Variants in PCCA observed in about 807,000 individuals in gnomAD.
PCCA encodes propionyl-CoA carboxylase subunit alpha, also known as propionyl-CoA carboxylase alpha chain, mitochondrial.
A neutral mutation model predicts 101.3 loss-of-function variants in PCCA; 74 were observed. The ratio of observed to expected loss-of-function variants is 0.73; its 90% CI spans 0.61 to 0.89. The LOEUF is 0.89. Ranked by LOEUF, PCCA falls within the 40% of genes least tolerant of loss-of-function variation. The pLI, the probability that PCCA is intolerant of heterozygous loss-of-function variation, is 0.00. For synonymous variants in PCCA, 294 were observed against 313.6 expected, an observed-to-expected ratio of 0.94 and a Z score of 0.66; for missense variants, 891 against 907.0, an observed-to-expected ratio of 0.98 and a Z score of 0.23.
At chr13:100,150,531 G>T (rs1308104770) in intron 4 of PCCA, 1 of 1,336,908 alleles carries the variant, frequency 7.5e-7, no homozygotes, top group Non-Finnish European at 1.0e-6. Flanking sequence ...CAAGCTCCCC[G>T]GCGAGAACCA....
intron 16 of PCCA, among the ~76,000 whole-genome samples, chr13:100,319,260 A>G (rs2067731758): frequency 6.6e-6 from 1 of 152,122 alleles, no homozygotes; most frequent in Non-Finnish European, 1.5e-5. Context: ...AGTAGATTGC[A>G]AAAATTTTCT....
intron 21 of PCCA, among the ~76,000 whole-genome samples, chr13:100,474,470 G>C (rs9513758): frequency 0.068 from 8,012 of 117,654 alleles, 308 homozygotes; most frequent in African/African-American, 0.13. Context: ...CTCTCTCTCT[G>C]TCTCTGTCTC....
chr13:100,485,912 G>C (rs916609688), intron 21 of PCCA, among the ~76,000 whole-genome samples: 3 of 152,210 alleles, frequency 2.0e-5, no homozygotes, highest in African/African-American at 7.2e-5. Flanking sequence ...AACAAAAGCT[G>C]TGATGCCTTA....
At chr13:100,361,608 A>G (rs1335493344) in intron 18 of PCCA, among the ~76,000 whole-genome samples, 4 of 152,166 alleles carry the variant, frequency 2.6e-5, no homozygotes, top group Non-Finnish European at 5.9e-5. Context: ...ACCTAATAAA[A>G]ATGGGCAAAA....
At chr13:100,418,989 T>G (rs554495472) in intron 19 of PCCA, among the ~76,000 whole-genome samples, 46 of 151,736 alleles carry the variant, frequency 3.0e-4, no homozygotes, top group African/African-American at 1.1e-3. Context: ...GAAGCTTAGC[T>G]CTTTCTCACC....
intron 10 of PCCA, among the ~76,000 whole-genome samples, chr13:100,267,454 T>C (rs1292089760): frequency 6.6e-6 from 1 of 152,222 alleles, no homozygotes; most frequent in Non-Finnish European, 1.5e-5. Flanking sequence ...ATTATAGCCA[T>C]GATCTTTATT....
chr13:100,292,965 T>TGTGTGTGTC (rs1595156115), intron 12 of PCCA, among the ~76,000 whole-genome samples: 129 of 53,318 alleles, frequency 2.4e-3, no homozygotes, highest in African/African-American at 8.4e-3. Context: ...GTGTGTCTGT[T>TGTGTGTGTC]TGTGTGTGTG....
intron 19 of PCCA, among the ~76,000 whole-genome samples, chr13:100,400,919 A>T (rs1441080100): frequency 6.6e-6 from 1 of 151,824 alleles, no homozygotes; most frequent in Non-Finnish European, 1.5e-5. Flanking sequence ...AGCCACCGGC[A>T]TGGCCTCATC....
At chr13:100,211,009 A>G (rs1053689158) in intron 7 of PCCA, among the ~76,000 whole-genome samples, 1 of 152,198 alleles carries the variant, frequency 6.6e-6, no homozygotes, top group Non-Finnish European at 1.5e-5. Flanking sequence ...TAGCCTTCAC[A>G]GGCTATGGTT....
chr13:100,291,498 C>A (rs2152658477), intron 12 of PCCA, among the ~76,000 whole-genome samples: 1 of 152,258 alleles, frequency 6.6e-6, no homozygotes, highest in Admixed American at 6.5e-5. Context: ...GCTTTTTGGG[C>A]AAAGTTGTAT....
chr13:100,151,038 G>A (rs1259530084), intron 4 of PCCA: 8 of 1,554,076 alleles, frequency 5.1e-6, no homozygotes, highest in African/African-American at 1.4e-5. Flanking sequence ...AGAAGAAAGC[G>A]CATGACATCA....
At chr13:100,151,084 G>C (rs1319565093) in intron 4 of PCCA, 1 of 1,510,880 alleles carries the variant, frequency 6.6e-7, no homozygotes, top group Non-Finnish European at 9.2e-7. Flanking sequence ...GGATGTACTC[G>C]TATGCACCCA....
At chr13:100,125,898 A>G (rs2049906884) in intron 4 of PCCA, among the ~76,000 whole-genome samples, 1 of 152,202 alleles carries the variant, frequency 6.6e-6, no homozygotes, top group African/African-American at 2.4e-5. Context: ...ATCCTGCAGA[A>G]TAGTAGCAGG....
intron 6 of PCCA, among the ~76,000 whole-genome samples, chr13:100,167,534 A>G (rs760341561): frequency 1.3e-5 from 2 of 152,126 alleles, no homozygotes; most frequent in Admixed American, 6.6e-5. Flanking sequence ...GGGTGACAAA[A>G]GAAGAATGTG....
intron 22 of PCCA, among the ~76,000 whole-genome samples, chr13:100,525,597 T>G (rs769253746): frequency 5.1e-4 from 77 of 152,228 alleles, no homozygotes; most frequent in Non-Finnish European, 9.8e-4. Flanking sequence ...GTTGAGTTGC[T>G]AACGCACTCA....
chr13:100,286,283 G>A (rs758855864), intron 12 of PCCA, among the ~76,000 whole-genome samples: 1 of 152,166 alleles, frequency 6.6e-6, no homozygotes. Context: ...ATGGAGCAAT[G>A]GTGAGCACAC....
At chr13:100,432,075 T>C (rs1477738204) in intron 20 of PCCA, among the ~76,000 whole-genome samples, 13 of 151,630 alleles carry the variant, frequency 8.6e-5, no homozygotes, top group Non-Finnish European at 2.9e-5. Context: ...GGTGCACACC[T>C]GCAGTCCCAG....
chr13:100,223,912 G>A (rs2059972490), intron 7 of PCCA, among the ~76,000 whole-genome samples: 1 of 152,238 alleles, frequency 6.6e-6, no homozygotes, highest in Non-Finnish European at 1.5e-5. Flanking sequence ...GTGCTGATTG[G>A]TGTATTTACA....
In PCCA at chr13:100,266,126, G is replaced by A. The variant is rs141978730; in HGVS notation, c.820-2563G>A. 4.0e-3 allele frequency among the ~76,000 whole-genome samples: 602 copies of A among 152,242 alleles called. 3 individuals are homozygous for A. The highest frequency in any genetic ancestry group is 5.9e-3 in the Non-Finnish European group (403 of 68,012). ...TGTCCTTCACTGTATTCCCCATCTA[G>A]CACTTGTTCACACTACTGGAAGACC... On this transcript the variant is annotated intron_variant, in intron 10 of 23. Coordinates refer to ENST00000376285, the MANE Select transcript of PCCA (RefSeq NM_000282.4).
Sources: gnomAD v4.1 joint callset for allele counts (sites outside exome capture counted in the v4.1 genomes callset) on GRCh38, gnomAD v4.1.1 for gene constraint, MANE v1.5 for transcripts, NCBI Gene and HGNC (gene_info 2026-07-23, HGNC 2026-07-21) for gene names.